Variants in TANGO2 observed in about 807,000 individuals in gnomAD.
TANGO2 encodes the protein transport and golgi organization 2 homolog, also known as transport and Golgi organization protein 2 homolog.
A neutral mutation model predicts 39.1 loss-of-function variants in TANGO2; 26 were observed. The ratio of observed to expected loss-of-function variants is 0.67; its 90% CI spans 0.49 to 0.92. TANGO2 has a LOEUF of 0.92. Among genes scored for constraint, TANGO2 ranks in the 40% least tolerant of loss-of-function variants. TANGO2 has a pLI of 0.00. For missense variants in TANGO2, 326 were observed against 360.1 expected (o/e 0.91, Z 0.77); for synonymous variants, 131 against 144.5 (o/e 0.91, Z 0.67).
At chr22:20,049,857 A>G (rs2045960169) in intron 3 of TANGO2, among the ~76,000 whole-genome samples, 1 of 152,096 alleles carries the variant, frequency 6.6e-6, no homozygotes, top group African/African-American at 2.4e-5. Flanking sequence ...GAGAAGTGTC[A>G]CCTTAACAAT....
chr22:20,066,555 T>C lies in TANGO2; in HGVS notation c.*1893T>C, dbSNP rs2049208423. ...CCCCTTCTTGCCCAGACCACTTTGC[T>C]GGGCTCAGAGCCTTCCATGGCTCAC... On this transcript the variant is annotated 3_prime_UTR_variant, in exon 9 of 9. Coordinates refer to ENST00000327374, the MANE Select transcript of TANGO2 (RefSeq NM_152906.7). 1 of 152,306 alleles carries C rather than the reference T, an allele frequency of 6.6e-6. No individual in the cohort carries two copies. The allele number at this position is 152,306 out of a possible 1,614,324, so 9.4% of individuals were successfully genotyped here.
chr22:20,029,176 C>T (rs568481732), intron 1 of TANGO2, among the ~76,000 whole-genome samples: 1 of 152,268 alleles, frequency 6.6e-6, no homozygotes, highest in East Asian at 1.9e-4. Flanking sequence ...GGGAGTTTAG[C>T]CCGTTTCCAT....
rs12627769 is a variant in TANGO2 at position 20,043,579 on chromosome 22, G to A, written c.145+136G>A. 0.18 allele frequency: 111,675 copies of A among 625,576 alleles called. 10,756 individuals are homozygous for A. Among genetic ancestry groups the A allele is most frequent in the Middle Eastern group, 0.21 (452 of 2,154 alleles). 38.8% of individuals were successfully genotyped at this position (625,576 alleles called of 1,614,324 possible). On this transcript the variant is annotated intron_variant, in intron 3 of 8. Transcript: ENST00000327374. ...TGTAGAGGTGGAACTGATGGGGCTC[G>A]TGGTCGGGGCCAGCCCCAGCACCGG...
At chr22:20,040,478 G>T (rs747999920) in intron 2 of TANGO2, among the ~76,000 whole-genome samples, 1 of 152,232 alleles carries the variant, frequency 6.6e-6, no homozygotes, top group Admixed American at 6.5e-5. Context: ...CTGCAGGGCT[G>T]TGGGACGTGG....
intron 1 of TANGO2, among the ~76,000 whole-genome samples, chr22:20,026,410 AAAG>A (rs963843024): frequency 1.3e-5 from 2 of 152,194 alleles, no homozygotes; most frequent in Admixed American, 1.3e-4. Context: ...AAAAAAAAAA[AAAG>A]AGCTTCACCA....
At chr22:20,046,830 G>T (rs1178478482) in intron 3 of TANGO2, among the ~76,000 whole-genome samples, 1 of 152,064 alleles carries the variant, frequency 6.6e-6, no homozygotes, top group Non-Finnish European at 1.5e-5. Context: ...TAGAGATGGG[G>T]TTTCACCAGG....
chr22:20,046,378 C>G (rs1227864862), intron 3 of TANGO2, among the ~76,000 whole-genome samples: 2 of 151,926 alleles, frequency 1.3e-5, no homozygotes, highest in Admixed American at 1.3e-4. Flanking sequence ...AAAGTCCTGG[C>G]CTGAAGTGAC....
At position 20,053,520 on chromosome 22, in the gene TANGO2, A is replaced by G. The variant is rs1477645510; in HGVS notation, c.349A>G (p.Asn117Asp). 1 of 1,613,716 alleles carries G rather than the reference A, an allele frequency of 6.2e-7. No homozygotes were observed. Among genetic ancestry groups the G allele is most frequent in the Non-Finnish European group, 8.5e-7 (1 of 1,179,628 alleles). ...GGTCTCTATGGAGGGCCATCTGTACAATGGCTTCAACCTCATAGCAGCCGA... is the reference window on the plus strand; with the variant it reads ...GGTCTCTATGGAGGGCCATCTGTACGATGGCTTCAACCTCATAGCAGCCGA... ...KKVSMEGHLYNGFNLIAADLS... is the reference protein window; with the variant it reads ...KKVSMEGHLYDGFNLIAADLS... Residue 117 changes from asparagine to aspartate, a missense_variant, in exon 5 of 9, where the codon AAT becomes GAT. By Grantham distance (23) the Asn-to-Asp change is conservative. Transcript: ENST00000327374.
At chr22:20,029,960 A>G (rs2041521093) in intron 1 of TANGO2, among the ~76,000 whole-genome samples, 1 of 152,082 alleles carries the variant, frequency 6.6e-6, no homozygotes, top group South Asian at 2.1e-4. Context: ...TTTCTCAGAT[A>G]TGGATGAGCC....
rs2049038943 is a variant in TANGO2 at position 20,065,043 on chromosome 22, G to GTGCACAGGTGTGCTACACATGTGCACACA, written c.*389_*417dup. On this transcript the variant is annotated 3_prime_UTR_variant, in exon 9 of 9. Transcript: ENST00000327374. ...TGGACACCGACACAGGCACATGTAC[G>GTGCACAGGTGTGCTACACATGTGCACACA]TGCACAGGTGTGCTACACATGTGCA... 1 of 233,030 alleles carries GTGCACAGGTGTGCTACACATGTGCACACA rather than the reference G, an allele frequency of 4.3e-6. No individual in the cohort carries two copies. Among genetic ancestry groups the GTGCACAGGTGTGCTACACATGTGCACACA allele is most frequent in the African/African-American group, 2.2e-5 (1 of 44,832 alleles). The allele number at this position is 233,030 out of a possible 1,614,324, so 14.4% of individuals were successfully genotyped here. A position where few individuals can be genotyped will look rare whatever the true frequency, so the allele number is the denominator to read the frequency against.
chr22:20,061,413 G>A, intron 6 of TANGO2, 117 bp from the exon 7 acceptor site: 1 of 1,262,754 alleles, frequency 7.9e-7, no homozygotes, highest in Non-Finnish European at 1.1e-6. Flanking sequence ...CTTGGCCTCA[G>A]TCTGGCCTGA....
rs931804469 is a variant in TANGO2 at position 20,065,037 on chromosome 22, A to G, written c.*375A>G. 4 of 240,212 alleles carry G rather than the reference A, an allele frequency of 1.7e-5. No individual in the cohort carries two copies. The highest frequency in any genetic ancestry group is 5.1e-5 in the Admixed American group (1 of 19,710). 14.9% of individuals were successfully genotyped at this position (240,212 alleles called of 1,614,324 possible). A position where few individuals can be genotyped will look rare whatever the true frequency, so the allele number is the denominator to read the frequency against. ...TATACATGGACACCGACACAGGCACATGTACGTGCACAGGTGTGCTACACA... is the reference window on the plus strand; with the variant it reads ...TATACATGGACACCGACACAGGCACGTGTACGTGCACAGGTGTGCTACACA... On this transcript the variant is annotated 3_prime_UTR_variant, in exon 9 of 9. Coordinates refer to ENST00000327374, the MANE Select transcript of TANGO2 (RefSeq NM_152906.7).
At chr22:20,062,952 C>T (rs747662882) in intron 7 of TANGO2, 1 of 180,342 alleles carries the variant, frequency 5.5e-6, no homozygotes, top group African/African-American at 2.4e-5. Context: ...GAAACTCTGT[C>T]TCTACTAAAA....
intron 5 of TANGO2, 185 bp from the exon 6 acceptor site, chr22:20,055,758 C>T (rs578079185): frequency 5.7e-5 from 36 of 629,260 alleles, no homozygotes; most frequent in Non-Finnish European, 1.0e-4. Flanking sequence ...TGGACAAGAG[C>T]TGGGGCCTCC....
chr22:20,048,665 G>A (rs1173715422), intron 3 of TANGO2, among the ~76,000 whole-genome samples: 1 of 150,930 alleles, frequency 6.6e-6, no homozygotes, highest in African/African-American at 2.4e-5. Flanking sequence ...TTTCTTTTGA[G>A]TGGGTGGAGT....
chr22:20,052,878 G>A (rs552850391), intron 4 of TANGO2, among the ~76,000 whole-genome samples: 57 of 152,264 alleles, frequency 3.7e-4, no homozygotes, highest in Admixed American at 9.2e-4. Context: ...GGTGGCTTCC[G>A]TGGGCATATC....
intron 3 of TANGO2, among the ~76,000 whole-genome samples, chr22:20,044,019 G>A (rs1362684284): frequency 6.6e-6 from 1 of 152,156 alleles, no homozygotes; most frequent in African/African-American, 2.4e-5. Flanking sequence ...CCTCATTGAA[G>A]TCCTGTTGGA....
At chr22:20,019,980 A>G (rs780539804), upstream of TANGO2, among the ~76,000 whole-genome samples, 4 of 152,350 alleles carry the variant, frequency 2.6e-5, no homozygotes, top group East Asian at 1.9e-4. Context: ...ACGGGCCCGC[A>G]TGTAGGTCCA....
intron 2 of TANGO2, among the ~76,000 whole-genome samples, chr22:20,037,836 G>A (rs906001593): frequency 9.2e-5 from 14 of 152,304 alleles, no homozygotes; most frequent in Admixed American, 2.0e-4. Flanking sequence ...GGTGGCTCAC[G>A]CCTGTAATCC....
Sources: allele counts gnomAD v4.1 joint callset (sites outside exome capture counted in the v4.1 genomes callset), GRCh38; gene constraint gnomAD v4.1.1; transcripts MANE v1.5; gene names NCBI Gene and HGNC (gene_info 2026-07-23, HGNC 2026-07-21).